The following SYNPO2 variants were observed in gnomAD, a reference collection of about 807,000 sequenced individuals.
SYNPO2 encodes the protein synaptopodin 2, also known as synaptopodin-2.
In SYNPO2, 56 loss-of-function variants were observed where a neutral mutation model predicts 85.0. The ratio of observed to expected loss-of-function variants is 0.66; its 90% CI spans 0.53 to 0.82. The LOEUF (loss-of-function observed/expected upper bound fraction) is 0.82. SYNPO2 is among the 40% of genes least tolerant of loss of function. SYNPO2 has a pLI of 0.00. For missense variants in SYNPO2, 1,575 were observed against 1,534.2 expected, an observed-to-expected ratio of 1.03 and a Z score of -0.44; for synonymous variants, 602 against 591.1, an observed-to-expected ratio of 1.02 and a Z score of -0.27.
Position 119,007,267 on chromosome 4 carries a change from T to C in SYNPO2, c.106-16163T>C, listed in dbSNP as rs796820459. ...ATATGTATATACATATATATATATA[T>C]ATATATATGTATATACATATATATA... On this transcript the variant is annotated intron_variant, in intron 1 of 4. Coordinates refer to ENST00000307142, the MANE Select transcript of SYNPO2 (RefSeq NM_133477.3). 1.8e-3 allele frequency among the ~76,000 whole-genome samples: 130 copies of C among 73,972 alleles called. 8 individuals carry two copies. The highest frequency in any genetic ancestry group is 0.015 in the East Asian group (34 of 2,226). 48.5% of individuals were successfully genotyped at this position (73,972 alleles called of 152,430 possible).
Position 119,060,168 on chromosome 4 carries a change from C to G in SYNPO2, c.*2234C>G, listed in dbSNP as rs1387314646. 6.6e-6 allele frequency: 1 copy of G among 152,120 alleles called. No homozygotes were observed. Among genetic ancestry groups the G allele is most frequent in the Non-Finnish European group, 1.5e-5 (1 of 68,000 alleles). 9.4% of individuals were successfully genotyped at this position (152,120 alleles called of 1,614,324 possible). ...AGATATTATTCACTAAAATTTTCAG[C>G]AGACTCAAAATAGAGAGGAGACTTT... is the stretch of plus-strand genomic sequence containing the variant. On this transcript the variant is annotated 3_prime_UTR_variant, in exon 5 of 5. Transcript: ENST00000307142.
intron 1 of SYNPO2, among the ~76,000 whole-genome samples, chr4:119,019,320 T>C (rs1737631548): frequency 6.6e-6 from 1 of 152,144 alleles, no homozygotes; most frequent in African/African-American, 2.4e-5. Flanking sequence ...TCTGATTAAA[T>C]TGGGAGATAC....
intron 1 of SYNPO2, among the ~76,000 whole-genome samples, chr4:118,984,373 T>TA (rs1451811507): frequency 6.6e-6 from 1 of 152,178 alleles, no homozygotes; most frequent in Non-Finnish European, 1.5e-5. Flanking sequence ...TCTGTTTAAT[T>TA]AAAAAAATCC....
chr4:119,036,300 C>T (rs924490568), intron 4 of SYNPO2: 1 of 985,206 alleles, frequency 1.0e-6, no homozygotes, highest in Admixed American at 6.1e-5. Flanking sequence ...TGTTTTTAAA[C>T]ATTTTTATAA....
Position 119,027,000 on chromosome 4 carries a change from G to A in SYNPO2, c.631G>A (p.Ala211Thr), listed in dbSNP as rs1183289818. 1.2e-6 allele frequency: 2 copies of A among 1,614,106 alleles called. No homozygotes were observed. Among genetic ancestry groups the A allele is most frequent in the Non-Finnish European group, 1.7e-6 (2 of 1,180,022 alleles). The change falls in exon 3 of 5, where the codon GCT (alanine) becomes ACT (threonine). Residue 211 changes from alanine to threonine, a missense_variant. Physicochemically the swap from Ala to Thr is moderately conservative, Grantham distance 58. Coordinates refer to ENST00000307142, the MANE Select transcript of SYNPO2 (RefSeq NM_133477.3). Reference protein sequence around the residue: ...LSLSQERHKGASGPLVALPGA... With the variant: ...LSLSQERHKGTSGPLVALPGA... ...CCTTTCACAGGAGAGACATAAGGGC[G>A]CTAGTGGCCCTTTAGTGGCTCTCCC...
intron 1 of SYNPO2, among the ~76,000 whole-genome samples, chr4:118,965,123 A>G (rs894475988): frequency 1.9e-4 from 29 of 152,056 alleles, no homozygotes; most frequent in Admixed American, 1.0e-3. Context: ...TTTCTCATCT[A>G]TTCTCCCTCC....
intron 1 of SYNPO2, among the ~76,000 whole-genome samples, chr4:118,891,838 T>C (rs1450361274): frequency 6.6e-6 from 1 of 152,220 alleles, no homozygotes; most frequent in African/African-American, 2.4e-5. Flanking sequence ...AAGGAAAACT[T>C]AAATTTTCAA....
chr4:119,054,548 C>T (rs898271262), intron 4 of SYNPO2, among the ~76,000 whole-genome samples: 1 of 152,148 alleles, frequency 6.6e-6, no homozygotes, highest in Non-Finnish European at 1.5e-5. Flanking sequence ...CAGGTCATCT[C>T]TTCTGTAGTC....
intron 1 of SYNPO2, among the ~76,000 whole-genome samples, chr4:118,895,932 C>T (rs192605338): frequency 1.3e-5 from 2 of 152,080 alleles, no homozygotes; most frequent in East Asian, 3.9e-4. Context: ...TTATAATTTC[C>T]AAAGTGTGTC....
chr4:118,973,739 A>G (rs1735624668), intron 1 of SYNPO2, among the ~76,000 whole-genome samples: 3 of 151,970 alleles, frequency 2.0e-5, no homozygotes, highest in Admixed American at 2.0e-4. Flanking sequence ...CTTTCCTTTC[A>G]TTTTCCTAAC....
intron 1 of SYNPO2, among the ~76,000 whole-genome samples, chr4:118,967,645 T>C (rs1052749523): frequency 6.6e-6 from 1 of 152,232 alleles, no homozygotes; most frequent in Non-Finnish European, 1.5e-5. Flanking sequence ...GAAACGGGTA[T>C]AGCACAATCC....
intron 1 of SYNPO2, among the ~76,000 whole-genome samples, chr4:119,006,600 G>C (rs1045956417): frequency 6.6e-6 from 1 of 152,082 alleles, no homozygotes; most frequent in Non-Finnish European, 1.5e-5. Context: ...AATATCAAAA[G>C]CGGAAACTAA....
intron 1 of SYNPO2, among the ~76,000 whole-genome samples, chr4:119,007,265 T>C (rs1472707154): frequency 5.3e-4 from 47 of 89,228 alleles, no homozygotes; most frequent in African/African-American, 2.2e-3. Flanking sequence ...TATATATATA[T>C]ATATATATAT....
chr4:119,038,611 G>C, intron 4 of SYNPO2: 1 of 951,924 alleles, frequency 1.1e-6, no homozygotes, highest in Non-Finnish European at 1.3e-6. Flanking sequence ...AGCATGGCTT[G>C]CTACTAAACC....
intron 1 of SYNPO2, among the ~76,000 whole-genome samples, chr4:118,871,180 C>T (rs1296682812): frequency 4.6e-5 from 7 of 152,180 alleles, no homozygotes; most frequent in African/African-American, 1.7e-4. Flanking sequence ...CAAATGTCAC[C>T]TCCACATGAC....
intron 1 of SYNPO2, among the ~76,000 whole-genome samples, chr4:118,955,191 G>C (rs1177147668): frequency 6.6e-6 from 1 of 151,894 alleles, no homozygotes; most frequent in African/African-American, 2.4e-5. Flanking sequence ...GTAGAGATGG[G>C]GTTTTGCCAT....
At position 119,030,012 on chromosome 4, in the gene SYNPO2, G is replaced by C. The variant is rs1318271838; in HGVS notation, c.1237G>C (p.Gly413Arg). The change falls in exon 4 of 5, where the codon GGT becomes CGT. Residue 413 changes from glycine to arginine, a missense_variant. Gly to Arg is a moderately radical substitution (Grantham distance 125, BLOSUM62 -2). This residue lies in a region of SYNPO2 where 1,508 missense variants were observed against 1,446.8 expected (regional missense o/e 1.04). Transcript: ENST00000307142. ...RARKYTLVSYGTGELEREADE... is the reference protein window; with the variant it reads ...RARKYTLVSYRTGELEREADE... Reference sequence around the variant, plus strand: ...CAGGAAATACACCCTAGTTAGCTACGGTACTGGCGAGCTTGAGCGAGAGGC... The same window carrying C: ...CAGGAAATACACCCTAGTTAGCTACCGTACTGGCGAGCTTGAGCGAGAGGC... 1 of 1,614,048 alleles carries C rather than the reference G, an allele frequency of 6.2e-7. No homozygotes were observed. The highest frequency in any genetic ancestry group is 1.7e-5 in the Admixed American group (1 of 60,012).
chr4:118,961,109 C>CCG (rs1553941441), intron 1 of SYNPO2, among the ~76,000 whole-genome samples: 3 of 121,174 alleles, frequency 2.5e-5, no homozygotes, highest in African/African-American at 6.3e-5. Context: ...GCCCCCCCCC[C>CCG]ACCCCTCCAG....
chr4:119,001,803 C>T (rs1736833067), intron 1 of SYNPO2, among the ~76,000 whole-genome samples: 1 of 151,992 alleles, frequency 6.6e-6, no homozygotes, highest in Non-Finnish European at 1.5e-5. Flanking sequence ...TCTGTGTTTA[C>T]CTTTGTCTAG....
Sources: gnomAD v4.1 joint callset for allele counts (sites outside exome capture counted in the v4.1 genomes callset) on GRCh38, gnomAD v4.1.1 for gene constraint, gnomAD v4.1.1 regional missense constraint, MANE v1.5 for transcripts, NCBI Gene and HGNC (gene_info 2026-07-23, HGNC 2026-07-21) for gene names.